The following WDPCP variants were observed in gnomAD, a reference collection of about 807,000 sequenced individuals.
The protein encoded by WDPCP is WD repeat containing planar cell polarity effector, also known as WD repeat-containing and planar cell polarity effector protein fritz homolog.
WDPCP carries 71 observed loss-of-function variants against 93.1 expected under a neutral mutation model. The ratio of observed to expected loss-of-function variants is 0.76; its 90% CI spans 0.63 to 0.93. The LOEUF is 0.93. Among genes scored for constraint, WDPCP ranks in the 40% least tolerant of loss-of-function variants. The probability of loss-of-function intolerance (pLI) is 0.00; values close to 1 mark genes in which losing one functional copy is unlikely to be tolerated. For synonymous variants in WDPCP, 315 were observed against 315.0 expected (o/e 1.00, Z 0.00); for missense variants, 844 against 887.4 (o/e 0.95, Z 0.62).
intron 2 of WDPCP, among the ~76,000 whole-genome samples, chr2:63,702,288 A>ATTT (rs1450068274): frequency 6.6e-6 from 1 of 152,242 alleles, no homozygotes; most frequent in African/African-American, 2.4e-5. Flanking sequence ...GGCCTCCCAA[A>ATTT]GTGCTGGGAT....
At chr2:63,791,212 G>C (rs780733678) in intron 2 of WDPCP, among the ~76,000 whole-genome samples, 2 of 152,164 alleles carry the variant, frequency 1.3e-5, no homozygotes, top group Non-Finnish European at 2.9e-5. Flanking sequence ...ATACTTTAAA[G>C]GATTCAATAT....
intron 3 of WDPCP, chr2:63,604,858 G>A (rs751230281): frequency 6.2e-7 from 1 of 1,614,072 alleles, no homozygotes; most frequent in Non-Finnish European, 8.5e-7. Flanking sequence ...CTGGCTCAAG[G>A]GAGAATTTGT....
At chr2:63,750,630 G>C (rs1669865110) in intron 2 of WDPCP, among the ~76,000 whole-genome samples, 1 of 152,128 alleles carries the variant, frequency 6.6e-6, no homozygotes, top group African/African-American at 2.4e-5. Flanking sequence ...TGTGAGGTTA[G>C]CTCTAGGTTT....
chr2:63,301,655 A>G (rs1685341191), intron 13 of WDPCP, among the ~76,000 whole-genome samples: 1 of 152,174 alleles, frequency 6.6e-6, no homozygotes, highest in South Asian at 2.1e-4. Flanking sequence ...GCTGGGGGTC[A>G]CGCCAGCAAC....
At chr2:63,726,972 A>G (rs542487820) in intron 2 of WDPCP, among the ~76,000 whole-genome samples, 4 of 152,192 alleles carry the variant, frequency 2.6e-5, no homozygotes, top group African/African-American at 4.8e-5. Flanking sequence ...TTCTAGGTAC[A>G]GAAGCATACT....
chr2:63,255,058 A>C (rs1681025252), intron 14 of WDPCP, among the ~76,000 whole-genome samples: 1 of 152,170 alleles, frequency 6.6e-6, no homozygotes, highest in Admixed American at 6.6e-5. Context: ...GGCACAGGAG[A>C]AGTATTCGAT....
At chr2:63,654,221 T>C (rs1273080831) in intron 2 of WDPCP, among the ~76,000 whole-genome samples, 1 of 152,068 alleles carries the variant, frequency 6.6e-6, no homozygotes, top group Non-Finnish European at 1.5e-5. Context: ...AGGTTAGATA[T>C]TGCAAAAGAA....
chr2:63,496,874 G>T (rs1461008205), intron 1 of WDPCP, among the ~76,000 whole-genome samples: 3 of 152,050 alleles, frequency 2.0e-5, no homozygotes, highest in South Asian at 4.1e-4. Context: ...CACTTTGGGA[G>T]GCTGAGGCAG....
chr2:63,395,369 C>T (rs1206161470), intron 10 of WDPCP, among the ~76,000 whole-genome samples: 1 of 152,084 alleles, frequency 6.6e-6, no homozygotes, highest in Non-Finnish European at 1.5e-5. Context: ...AGTATTTCAT[C>T]CCTCACCCCT....
chr2:63,547,338 T>C (rs757795169), intron 1 of WDPCP, among the ~76,000 whole-genome samples: 8 of 152,178 alleles, frequency 5.3e-5, no homozygotes, highest in African/African-American at 1.9e-4. Context: ...ACAGCCATTA[T>C]GGAAAACAGT....
At chr2:63,198,897 T>C (rs1041687280) in intron 14 of WDPCP, among the ~76,000 whole-genome samples, 5 of 152,068 alleles carry the variant, frequency 3.3e-5, no homozygotes, top group Non-Finnish European at 1.5e-5. Flanking sequence ...TGAGGGAAAG[T>C]TTGGAGCTTC....
At chr2:63,781,538 C>G (rs4359637) in intron 2 of WDPCP, among the ~76,000 whole-genome samples, 33,414 of 152,060 alleles carry the variant, frequency 0.22, 4,868 homozygotes, top group East Asian at 0.73. Flanking sequence ...TGTACAGTCA[C>G]TATGCTAGAT....
At chr2:63,233,889 C>G (rs1043669616) in intron 14 of WDPCP, among the ~76,000 whole-genome samples, 1 of 152,196 alleles carries the variant, frequency 6.6e-6, no homozygotes, top group South Asian at 2.1e-4. Flanking sequence ...AAGGTTAACT[C>G]TGCAGGAGGT....
chr2:63,142,396 A>G (rs556977918), intron 17 of WDPCP, among the ~76,000 whole-genome samples: 3 of 152,306 alleles, frequency 2.0e-5, no homozygotes, highest in South Asian at 2.1e-4. Flanking sequence ...TTTTGACTCA[A>G]TGCTCATTCA....
intron 3 of WDPCP, among the ~76,000 whole-genome samples, chr2:63,614,087 C>G (rs929509679): frequency 1.3e-5 from 2 of 152,164 alleles, no homozygotes; most frequent in African/African-American, 2.4e-5. Context: ...CACCACCTCC[C>G]CTAGTGCTCA....
rs893383767 is a variant in WDPCP, at chr2:63,119,825, A to T, written c.*2181T>A. ...TCTAGCAGAGGAGGAATATCAATTT[A>T]ATTAATATTCTCAGATTTACAACAT... is the stretch of plus-strand genomic sequence containing the variant. On this transcript the variant is annotated 3_prime_UTR_variant, in exon 18 of 18. Transcript: ENST00000272321. Among the ~76,000 whole-genome samples the T allele has an allele frequency of 6.6e-6, 1 of 152,196 alleles. No individual in the cohort carries two copies. Among genetic ancestry groups the T allele is most frequent in the Non-Finnish European group, 1.5e-5 (1 of 68,036 alleles).
chr2:63,535,177 G>A (rs1447976301), intron 1 of WDPCP, among the ~76,000 whole-genome samples: 28 of 152,246 alleles, frequency 1.8e-4, no homozygotes, highest in South Asian at 6.2e-4. Context: ...CCTCTTCAAG[G>A]AGAACTACAA....
At chr2:63,204,089 G>A (rs1302247071) in intron 14 of WDPCP, among the ~76,000 whole-genome samples, 4 of 152,224 alleles carry the variant, frequency 2.6e-5, no homozygotes, top group East Asian at 1.9e-4. Flanking sequence ...GTTGACTCAT[G>A]TGGTAGCTCT....
intron 13 of WDPCP, among the ~76,000 whole-genome samples, chr2:63,292,072 G>A (rs1406196048): frequency 1.4e-5 from 2 of 145,390 alleles, no homozygotes; most frequent in South Asian, 4.4e-4. Flanking sequence ...GGTGGAGCTT[G>A]CAGTGAGCCG....
Sources: allele counts gnomAD v4.1 joint callset (sites outside exome capture counted in the v4.1 genomes callset), GRCh38; gene constraint gnomAD v4.1.1; transcripts MANE v1.5; gene names NCBI Gene and HGNC (gene_info 2026-07-23, HGNC 2026-07-21).